Variants in CCDC91 observed in about 807,000 individuals in gnomAD.
CCDC91 encodes coiled-coil domain containing 91.
In CCDC91, 48 loss-of-function variants were observed where a neutral mutation model predicts 63.2. The observed-to-expected ratio is 0.76, with a 90% CI of 0.60 to 0.97. The LOEUF is 0.97. Ranked by LOEUF, CCDC91 falls within the 50% of genes least tolerant of loss-of-function variation. The pLI, the probability that CCDC91 is intolerant of heterozygous loss-of-function variation, is 0.00. For missense variants in CCDC91, 500 were observed against 494.6 expected, an observed-to-expected ratio of 1.01 and a Z score of -0.10; for synonymous variants, 167 against 165.8, an observed-to-expected ratio of 1.01 and a Z score of -0.06.
chr12:28,330,608 T>C (rs899765258), intron 6 of CCDC91, among the ~76,000 whole-genome samples: 11 of 152,192 alleles, frequency 7.2e-5, no homozygotes, highest in African/African-American at 2.7e-4. Flanking sequence ...GCAGAAGCTC[T>C]TTAGTTTAAT....
At chr12:28,503,225 A>T (rs1282442374) in intron 12 of CCDC91, among the ~76,000 whole-genome samples, 1 of 152,206 alleles carries the variant, frequency 6.6e-6, no homozygotes, top group Non-Finnish European at 1.5e-5. Context: ...ATGAACTCCA[A>T]CAAATTTACA....
intron 3 of CCDC91, among the ~76,000 whole-genome samples, chr12:28,291,213 T>C (rs1486751829): frequency 6.6e-6 from 1 of 152,242 alleles, no homozygotes; most frequent in African/African-American, 2.4e-5. Context: ...AAGCATTTTC[T>C]GCACCCTGCT....
At chr12:28,437,624 A>C (rs1592673117) in intron 8 of CCDC91, among the ~76,000 whole-genome samples, 2 of 152,132 alleles carry the variant, frequency 1.3e-5, no homozygotes, top group East Asian at 3.8e-4. Context: ...TCCTGTGTCC[A>C]ATAAATATCT....
At chr12:28,462,730 A>G (rs1435715417) in intron 11 of CCDC91, among the ~76,000 whole-genome samples, 2 of 152,156 alleles carry the variant, frequency 1.3e-5, no homozygotes, top group East Asian at 1.9e-4. Flanking sequence ...TTTCAAAGGG[A>G]TATCCAGTTG....
intron 8 of CCDC91, among the ~76,000 whole-genome samples, chr12:28,431,151 A>G (rs750222075): frequency 3.3e-5 from 5 of 152,264 alleles, no homozygotes; most frequent in Non-Finnish European, 5.9e-5. Context: ...ATAATGTCCT[A>G]CTATTGGGTG....
chr12:28,361,553 A>C (rs1481049608), intron 6 of CCDC91, among the ~76,000 whole-genome samples: 1 of 151,268 alleles, frequency 6.6e-6, no homozygotes. Flanking sequence ...ATCATATTAA[A>C]TATTCCTTTT....
chr12:28,449,547 T>C (rs939521452), intron 8 of CCDC91, among the ~76,000 whole-genome samples: 1 of 152,046 alleles, frequency 6.6e-6, no homozygotes, highest in Non-Finnish European at 1.5e-5. Context: ...TTGATAGTTA[T>C]GTGAGCTTTT....
At chr12:28,233,530 C>T (rs1213423370) in intron 1 of CCDC91, among the ~76,000 whole-genome samples, 1 of 152,036 alleles carries the variant, frequency 6.6e-6, no homozygotes, top group African/African-American at 2.4e-5. Flanking sequence ...AGTGACAATA[C>T]CTACAATATC....
Position 28,224,927 on chromosome 12 carries a change from G to A in CCDC91, c.-14-32275G>A, listed in dbSNP as rs577996945. 3.3e-5 allele frequency among the ~76,000 whole-genome samples: 5 copies of A among 152,208 alleles called. No individual in the cohort carries two copies. In the East Asian group the frequency reaches 7.7e-4, roughly 24 times the overall value. ...ATTATTTTTAATTAGGAAATAACCA[G>A]GAATAAGACTTGAGAGATCATCTCT... On this transcript the variant is annotated intron_variant, in intron 1 of 12. Coordinates refer to ENST00000536442, the MANE Select transcript of CCDC91 (RefSeq NM_018318.5).
chr12:28,387,569 T>C (rs1300546419), intron 7 of CCDC91, among the ~76,000 whole-genome samples: 2 of 151,992 alleles, frequency 1.3e-5, no homozygotes, highest in African/African-American at 4.8e-5. Flanking sequence ...GTCCCCAAAA[T>C]CCACTGTGTC....
At chr12:28,226,002 G>C (rs1182046714) in intron 1 of CCDC91, 1 of 152,214 alleles carries the variant, frequency 6.6e-6, no homozygotes, top group Non-Finnish European at 1.5e-5. Context: ...AGAGCCAAGG[G>C]AATTAGAATT....
intron 8 of CCDC91, among the ~76,000 whole-genome samples, chr12:28,400,458 T>C (rs1432369015): frequency 6.6e-6 from 1 of 151,184 alleles, no homozygotes; most frequent in African/African-American, 2.4e-5. Context: ...CCTGGAGATA[T>C]TTTCCCCATT....
intron 12 of CCDC91, among the ~76,000 whole-genome samples, chr12:28,513,796 T>C (rs1939636967): frequency 6.6e-6 from 1 of 151,862 alleles, no homozygotes; most frequent in Non-Finnish European, 1.5e-5. Flanking sequence ...CATGATCGTG[T>C]TCTTCTTATG....
intron 1 of CCDC91, among the ~76,000 whole-genome samples, chr12:28,195,291 C>T (rs540421073): frequency 1.1e-4 from 16 of 152,202 alleles, no homozygotes; most frequent in South Asian, 2.1e-4. Context: ...GTCCCCTACC[C>T]GATTAGCTAG....
Position 28,521,509 on chromosome 12 carries a change from C to T in CCDC91, c.1216-27554C>T, listed in dbSNP as rs569433528. ...TGGTTTTCTAGATATACAATCATGT[C>T]ATCAGCAAACAGGGACAATTTGACT... On this transcript the variant is annotated intron_variant, in intron 12 of 12. Transcript: ENST00000536442. 7.2e-5 allele frequency among the ~76,000 whole-genome samples: 11 copies of T among 152,260 alleles called. No homozygotes were observed. In the East Asian group the frequency reaches 2.1e-3, roughly 29 times the overall value.
chr12:28,192,242 A>G (rs1941321815), intron 1 of CCDC91, among the ~76,000 whole-genome samples: 3 of 152,194 alleles, frequency 2.0e-5, no homozygotes. Context: ...AAATGGACAA[A>G]CAGGAATTTG....
intron 1 of CCDC91, among the ~76,000 whole-genome samples, chr12:28,216,029 T>C (rs1592008497): frequency 6.6e-6 from 1 of 152,116 alleles, no homozygotes; most frequent in African/African-American, 2.4e-5. Context: ...CAATACTTAG[T>C]AGTACTTAAT....
intron 12 of CCDC91, among the ~76,000 whole-genome samples, chr12:28,487,970 A>G (rs1951811611): frequency 6.6e-6 from 1 of 151,804 alleles, no homozygotes. Flanking sequence ...TTAAAAATTC[A>G]AAATGCTTAA....
intron 11 of CCDC91, among the ~76,000 whole-genome samples, chr12:28,480,127 G>A (rs1323132359): frequency 2.0e-5 from 3 of 151,814 alleles, no homozygotes; most frequent in South Asian, 2.1e-4. Flanking sequence ...ATATACTCAG[G>A]TTCTATTTTT....
Sources: gnomAD v4.1 joint callset for allele counts (sites outside exome capture counted in the v4.1 genomes callset) on GRCh38, gnomAD v4.1.1 for gene constraint, MANE v1.5 for transcripts, NCBI Gene and HGNC (gene_info 2026-07-23, HGNC 2026-07-21) for gene names.